RASGRP3: variants seen among roughly 807,000 people sequenced by gnomAD.
RASGRP3 encodes the protein ras guanyl-releasing protein 3.
RASGRP3 carries 54 observed loss-of-function variants against 82.7 expected under a neutral mutation model. The observed-to-expected ratio is 0.65, with a 90% CI of 0.52 to 0.82. The LOEUF (loss-of-function observed/expected upper bound fraction) is 0.82. Ranked by LOEUF, RASGRP3 falls within the 40% of genes least tolerant of loss-of-function variation. RASGRP3 has a pLI of 0.00. For synonymous variants in RASGRP3, 309 were observed against 300.5 expected, an observed-to-expected ratio of 1.03 and a Z score of -0.29; for missense variants, 861 against 828.9, an observed-to-expected ratio of 1.04 and a Z score of -0.48.
At chr2:33,456,904 ATTTTTT>A (rs10660284) in intron 2 of RASGRP3, among the ~76,000 whole-genome samples, 3 of 134,720 alleles carry the variant, frequency 2.2e-5, no homozygotes, top group Non-Finnish European at 4.7e-5. Context: ...AGTGCTTTCT[ATTTTTT>A]TTTTTTTTTT....
intron 11 of RASGRP3, among the ~76,000 whole-genome samples, chr2:33,536,774 C>G (rs1252153258): frequency 6.6e-6 from 1 of 152,164 alleles, no homozygotes. Context: ...CCCTGGATCC[C>G]TTCACTGAGA....
chr2:33,547,320 G>A (rs540147589), intron 13 of RASGRP3, among the ~76,000 whole-genome samples: 2 of 122,898 alleles, frequency 1.6e-5, no homozygotes, highest in Non-Finnish European at 3.2e-5. Context: ...AAATTTCCCC[G>A]CAAGCTTGAG....
At chr2:33,506,851 A>G (rs1308092237) in intron 1 of RASGRP3, among the ~76,000 whole-genome samples, 1 of 152,218 alleles carries the variant, frequency 6.6e-6, no homozygotes, top group Non-Finnish European at 1.5e-5. Flanking sequence ...GTCCATTTAC[A>G]ATGAATGAAC....
chr2:33,548,982 C>G (rs1438668880), intron 13 of RASGRP3, among the ~76,000 whole-genome samples: 1 of 152,116 alleles, frequency 6.6e-6, no homozygotes, highest in African/African-American at 2.4e-5. Flanking sequence ...AGCCACCGCA[C>G]CTGGCCGATT....
intron 8 of RASGRP3, 141 bp downstream of exon 8, chr2:33,524,193 G>A (rs1292896288): frequency 5.4e-6 from 6 of 1,101,302 alleles, no homozygotes; most frequent in Admixed American, 4.7e-5. Flanking sequence ...TGAACAAATC[G>A]TATTTTTGTC....
intron 1 of RASGRP3, among the ~76,000 whole-genome samples, chr2:33,446,945 C>A (rs957064577): frequency 2.6e-5 from 4 of 151,904 alleles, no homozygotes; most frequent in African/African-American, 9.7e-5. Flanking sequence ...AGATGGAAAC[C>A]ATCCTGGCTA....
intron 2 of RASGRP3, among the ~76,000 whole-genome samples, chr2:33,465,746 C>T (rs888647542): frequency 2.0e-4 from 30 of 152,160 alleles, no homozygotes; most frequent in Non-Finnish European, 4.3e-4. Context: ...GGCTTCAAAG[C>T]ATGAAAGGAC....
At chr2:33,550,867 C>A (rs1675291381) in intron 14 of RASGRP3, among the ~76,000 whole-genome samples, 2 of 152,182 alleles carry the variant, frequency 1.3e-5, no homozygotes, top group African/African-American at 2.4e-5. Flanking sequence ...TAAGAGGCAG[C>A]CGTTTCCTCA....
intron 10 of RASGRP3, among the ~76,000 whole-genome samples, chr2:33,529,215 C>T (rs559714696): frequency 1.3e-4 from 20 of 152,124 alleles, no homozygotes; most frequent in African/African-American, 4.8e-4. Context: ...GGAGTACTGG[C>T]TGGGCGTGGT....
At chr2:33,537,312 A>C in intron 11 of RASGRP3, among the ~76,000 whole-genome samples, 2 of 48,790 alleles carry the variant, frequency 4.1e-5, no homozygotes, top group African/African-American at 1.3e-4. Context: ...AAATACACAC[A>C]CACACACACC....
intron 10 of RASGRP3, among the ~76,000 whole-genome samples, chr2:33,527,631 G>A (rs1184059598): frequency 6.6e-6 from 1 of 152,108 alleles, no homozygotes; most frequent in Non-Finnish European, 1.5e-5. Flanking sequence ...TTGTTCGGAG[G>A]GGCCCAGTCT....
At chr2:33,439,929 G>A (rs1438952336) in intron 1 of RASGRP3, among the ~76,000 whole-genome samples, 1 of 152,208 alleles carries the variant, frequency 6.6e-6, no homozygotes, top group East Asian at 1.9e-4. Context: ...GGGTTCTGAT[G>A]AAGACAGAGA....
chr2:33,450,665 A>G (rs1179998955), intron 2 of RASGRP3, among the ~76,000 whole-genome samples: 1 of 152,040 alleles, frequency 6.6e-6, no homozygotes, highest in African/African-American at 2.4e-5. Context: ...TATTATAAAT[A>G]ATGCCACAAT....
chr2:33,478,040 C>T (rs917001837), intron 1 of RASGRP3, among the ~76,000 whole-genome samples: 7 of 152,126 alleles, frequency 4.6e-5, no homozygotes, highest in Non-Finnish European at 5.9e-5. Context: ...TCTCTCCCCA[C>T]CCTTACCATC....
In RASGRP3 at chr2:33,539,128, T is replaced by G; in HGVS notation, c.1196T>G (p.Val399Gly). The G allele has an allele frequency of 1.9e-6, 3 of 1,611,312 alleles. No homozygotes were observed. The highest frequency in any genetic ancestry group is 2.5e-6 in the Non-Finnish European group (3 of 1,178,844). ...TCCCCTACGACGCCCAACAAGCCTG[T>G]GGTACCCCTGGAGTGGGCATTAGGG... ...PTSPTTPNKP[V>G]VPLEWALGVM... is the part of the protein sequence containing the mutation. Residue 399 changes from valine (V) to glycine (G), a missense_variant, in exon 12 of 18, where the codon GTG becomes GGG. Coordinates refer to ENST00000403687, the MANE Select transcript of RASGRP3 (RefSeq NM_001139488.2).
At chr2:33,554,535 C>T (rs914204353) in intron 14 of RASGRP3, among the ~76,000 whole-genome samples, 9 of 151,712 alleles carry the variant, frequency 5.9e-5, no homozygotes, top group Middle Eastern at 3.2e-3. Flanking sequence ...TGCAGTGGTG[C>T]GGTCTCAGCT....
At chr2:33,489,597 G>A (rs1011617539) in intron 1 of RASGRP3, among the ~76,000 whole-genome samples, 2 of 152,088 alleles carry the variant, frequency 1.3e-5, no homozygotes, top group African/African-American at 4.8e-5. Flanking sequence ...GCAAGATCTG[G>A]CTCTATTGCC....
chr2:33,492,537 T>G (rs531469393), intron 1 of RASGRP3, among the ~76,000 whole-genome samples: 2 of 152,238 alleles, frequency 1.3e-5, no homozygotes, highest in African/African-American at 4.8e-5. Flanking sequence ...AAGGAGGTAA[T>G]TACGGTTAAA....
Position 33,456,565 on chromosome 2 carries a change from C to T in RASGRP3, c.-261+8622C>T, listed in dbSNP as rs1666047799. On this transcript the variant is annotated intron_variant, in intron 2 of 18. Coordinates refer to the RASGRP3 transcript ENST00000402538. ...AACTTTAAATTCTGATCTCAGTCTT[C>T]CATCTTATTCCTGTTGAAAATTTTA... Among the ~76,000 whole-genome samples, 4 of 152,226 alleles carry T rather than the reference C, an allele frequency of 2.6e-5. No individual in the cohort carries two copies. In the South Asian group the frequency reaches 8.3e-4, roughly 32 times the overall value.
Sources: gnomAD v4.1 joint callset for allele counts (sites outside exome capture counted in the v4.1 genomes callset) on GRCh38, gnomAD v4.1.1 for gene constraint, MANE v1.5 for transcripts, NCBI Gene and HGNC (gene_info 2026-07-23, HGNC 2026-07-21) for gene names.